The following CSMD1 variants were observed in gnomAD, a reference collection of about 807,000 sequenced individuals.
The protein encoded by CSMD1 is CUB and Sushi multiple domains 1, also known as CUB and sushi domain-containing protein 1.
Under a neutral mutation model 417.5 loss-of-function variants are expected in CSMD1, and 213 were observed. The observed-to-expected ratio is 0.51, with a 90% CI of 0.46 to 0.57. The LOEUF is 0.57. CSMD1 is among the 20% of genes least tolerant of loss of function. The pLI is 0.00. For missense variants in CSMD1, 6,923 were observed against 4,529.7 expected, an observed-to-expected ratio of 1.53 and a Z score of -15.17; for synonymous variants, 2,862 against 1,736.8, an observed-to-expected ratio of 1.65 and a Z score of -16.11.
intron 5 of CSMD1, among the ~76,000 whole-genome samples, chr8:3,887,935 C>G (rs892788279): frequency 6.6e-5 from 10 of 152,134 alleles, no homozygotes; most frequent in Non-Finnish European, 1.2e-4. Context: ...GAAAAGAATA[C>G]TTTCAATAGC....
chr8:4,923,013 C>T (rs993346816), intron 1 of CSMD1, among the ~76,000 whole-genome samples: 1 of 152,156 alleles, frequency 6.6e-6, no homozygotes, highest in Non-Finnish European at 1.5e-5. Flanking sequence ...GCATCCACCT[C>T]AGCTAGATGG....
intron 5 of CSMD1, among the ~76,000 whole-genome samples, chr8:3,851,270 A>G (rs1219636365): frequency 6.6e-6 from 1 of 152,240 alleles, no homozygotes; most frequent in Non-Finnish European, 1.5e-5. Context: ...TCAGGGCAAC[A>G]CAAAGTCTTT....
At chr8:4,937,638 A>G (rs574522380) in intron 1 of CSMD1, among the ~76,000 whole-genome samples, 1 of 152,328 alleles carries the variant, frequency 6.6e-6, no homozygotes, top group African/African-American at 2.4e-5. Context: ...CGGAGGCATC[A>G]AATAAAAGCA....
intron 30 of CSMD1, among the ~76,000 whole-genome samples, chr8:3,206,883 C>A (rs911195800): frequency 2.0e-5 from 3 of 152,038 alleles, no homozygotes; most frequent in Admixed American, 6.6e-5. Flanking sequence ...CTTTAGATTG[C>A]CAGTACTCTA....
chr8:4,821,548 A>G (rs1799525167), intron 1 of CSMD1, among the ~76,000 whole-genome samples: 1 of 152,168 alleles, frequency 6.6e-6, no homozygotes, highest in African/African-American at 2.4e-5. Context: ...AAGAAAACTT[A>G]AAGCATCATT....
rs944068700 is a variant in CSMD1 at position 2,935,371 on chromosome 8, T to C, written c.*3214A>G. On this transcript the variant is annotated 3_prime_UTR_variant, in exon 70 of 70. Transcript: ENST00000635120. ...AGAAAAATAGAAATCTAAAATTAAA[T>C]ATTTAATTAGAACTCTGATTTGCTT... The C allele has an allele frequency of 5.3e-5, 8 of 152,286 alleles. No homozygotes were observed. Among genetic ancestry groups the C allele is most frequent in the African/African-American group, 1.9e-4 (8 of 41,556 alleles). The allele number at this position is 152,286 out of a possible 1,614,324, so 9.4% of individuals were successfully genotyped here. A position where few individuals can be genotyped will look rare whatever the true frequency, so the allele number is the denominator to read the frequency against.
chr8:4,306,472 T>C (rs374435859), intron 3 of CSMD1, among the ~76,000 whole-genome samples: 89 of 152,344 alleles, frequency 5.8e-4, no homozygotes, highest in African/African-American at 2.1e-3. Flanking sequence ...ATATTGTGAA[T>C]GCCTCAGCAG....
Position 4,185,687 on chromosome 8 carries a change from T to A in CSMD1, c.416-153588A>T, listed in dbSNP as rs189306075. Among the ~76,000 whole-genome samples the A allele has an allele frequency of 1.3e-3, 202 of 152,306 alleles. 1 individual carries two copies. The highest frequency in any genetic ancestry group is 4.3e-3 in the African/African-American group (177 of 41,560). On this transcript the variant is annotated intron_variant, in intron 3 of 69. Coordinates refer to ENST00000635120, the MANE Select transcript of CSMD1 (RefSeq NM_033225.6). Reference sequence around the variant, plus strand: ...GTCACGTAAATGCCCAATGAATGTCTAGTTTGAAGACATGTACTGAAATAT... The same window carrying A: ...GTCACGTAAATGCCCAATGAATGTCAAGTTTGAAGACATGTACTGAAATAT...
At chr8:4,528,325 T>C (rs1434249864) in intron 2 of CSMD1, among the ~76,000 whole-genome samples, 1 of 152,150 alleles carries the variant, frequency 6.6e-6, no homozygotes, top group African/African-American at 2.4e-5. Context: ...AGTTATTTTA[T>C]AGGAATAAAG....
intron 1 of CSMD1, among the ~76,000 whole-genome samples, chr8:4,818,682 A>C (rs530471425): frequency 1.3e-5 from 2 of 152,212 alleles, no homozygotes; most frequent in South Asian, 4.1e-4. Flanking sequence ...ATAAATTAAT[A>C]AACATTTAGA....
At chr8:3,690,968 T>G (rs970917554) in intron 7 of CSMD1, among the ~76,000 whole-genome samples, 1 of 152,154 alleles carries the variant, frequency 6.6e-6, no homozygotes, top group South Asian at 2.1e-4. Context: ...GACTGGTTAA[T>G]GCATGTTTGT....
chr8:4,924,250 G>A (rs983267581), intron 1 of CSMD1, among the ~76,000 whole-genome samples: 13 of 152,120 alleles, frequency 8.5e-5, no homozygotes, highest in Non-Finnish European at 2.9e-5. Context: ...ATGTGACCAT[G>A]ATAAAGTTGT....
Position 4,414,777 on chromosome 8 carries a change from T to C in CSMD1, c.415+5176A>G, listed in dbSNP as rs569793853. Among the ~76,000 whole-genome samples, 323 of 152,302 alleles carry C rather than the reference T, an allele frequency of 2.1e-3. 2 individuals are homozygous for C. The highest frequency in any genetic ancestry group is 7.6e-3 in the African/African-American group (315 of 41,570). Reference sequence around the variant, plus strand: ...TTATCCAAAAATATTTTTGAGTATGTATCATGTGCCAAGTGTCAAGGATTC... The same window carrying C: ...TTATCCAAAAATATTTTTGAGTATGCATCATGTGCCAAGTGTCAAGGATTC... On this transcript the variant is annotated intron_variant, in intron 3 of 69. Coordinates refer to ENST00000635120, the MANE Select transcript of CSMD1 (RefSeq NM_033225.6).
At chr8:4,809,097 C>G (rs1798752244) in intron 1 of CSMD1, among the ~76,000 whole-genome samples, 1 of 152,138 alleles carries the variant, frequency 6.6e-6, no homozygotes, top group South Asian at 2.1e-4. Flanking sequence ...CTGAATGAAA[C>G]AGATGGACCT....
chr8:3,948,531 ATATAT>A (rs1811390988), intron 5 of CSMD1, among the ~76,000 whole-genome samples: 2 of 152,210 alleles, frequency 1.3e-5, no homozygotes, highest in African/African-American at 2.4e-5. Context: ...TTTATTTTAT[ATATAT>A]TATATTTGGT....
chr8:3,207,214 T>A (rs1797348738), intron 30 of CSMD1, among the ~76,000 whole-genome samples: 1 of 143,560 alleles, frequency 7.0e-6, no homozygotes, highest in Non-Finnish European at 1.5e-5. Flanking sequence ...TGGCATGATC[T>A]CAGCTCACTG....
At chr8:3,386,505 A>T (rs149238500) in intron 18 of CSMD1, among the ~76,000 whole-genome samples, 1 of 152,194 alleles carries the variant, frequency 6.6e-6, no homozygotes, top group Non-Finnish European at 1.5e-5. Flanking sequence ...TTTGGTGACA[A>T]AGGTCAAAGA....
intron 30 of CSMD1, among the ~76,000 whole-genome samples, chr8:3,213,722 T>C (rs1305918957): frequency 6.6e-6 from 1 of 150,732 alleles, no homozygotes; most frequent in East Asian, 1.9e-4. Context: ...TACATTAAAA[T>C]ATATATGTAT....
intron 2 of CSMD1, among the ~76,000 whole-genome samples, chr8:4,503,224 G>A (rs556582237): frequency 6.6e-6 from 1 of 152,076 alleles, no homozygotes; most frequent in Non-Finnish European, 1.5e-5. Context: ...AAAGTCTACA[G>A]CGTCATAGTG....
Sources: gnomAD v4.1 joint callset for allele counts (sites outside exome capture counted in the v4.1 genomes callset) on GRCh38, gnomAD v4.1.1 for gene constraint, MANE v1.5 for transcripts, NCBI Gene and HGNC (gene_info 2026-07-23, HGNC 2026-07-21) for gene names.